The following DOT1L variants were observed in gnomAD, a reference collection of about 807,000 sequenced individuals.
DOT1L encodes DOT1 like histone lysine methyltransferase.
In DOT1L, 33 loss-of-function variants were observed where a neutral mutation model predicts 153.3. That is an observed-to-expected ratio of 0.22 (90% CI 0.16 to 0.29). DOT1L has a LOEUF of 0.29. Ranked by LOEUF, DOT1L falls within the 10% of genes least tolerant of loss-of-function variation. The pLI, the probability that DOT1L is intolerant of heterozygous loss-of-function variation, is 1.00. For missense variants in DOT1L, 1,847 were observed against 2,119.9 expected (o/e 0.87, Z 2.53); for synonymous variants, 1,135 against 965.1 (o/e 1.18, Z -3.26).
At chr19:2,223,555 TGTGTGG>T in intron 25 of DOT1L, 69 bp downstream of exon 25, 35 of 45,474 alleles carry the variant, frequency 7.7e-4, no homozygotes, top group Non-Finnish European at 1.2e-3. Context: ...TCACTGTGTG[TGTGTGG>T]GTGGGTGGGT....
chr19:2,195,704 G>A (rs551912028), intron 7 of DOT1L, among the ~76,000 whole-genome samples: 6 of 152,302 alleles, frequency 3.9e-5, no homozygotes, highest in African/African-American at 1.4e-4. Context: ...CACCCTGGGA[G>A]GACGATGGCA....
intron 9 of DOT1L, among the ~76,000 whole-genome samples, chr19:2,203,932 T>C (rs949571555): frequency 6.6e-6 from 1 of 152,218 alleles, no homozygotes; most frequent in Non-Finnish European, 1.5e-5. Context: ...GTACCCCCTC[T>C]TCCTCCCAAC....
rs1294107899 is a variant in DOT1L at position 2,229,858 on chromosome 19, TGCCCGCCG to T, written c.*70_*77del. The stretch of plus-strand genomic sequence containing the variant: ...GGACCAACTCGCGCCCGCGGCATGG[TGCCCGCCG>T]GCCTGCCGGGCTCCCACCCCTGGAC... On this transcript the variant is annotated 3_prime_UTR_variant, in exon 28 of 28. Transcript: ENST00000398665. 3.7e-6 allele frequency: 6 copies of T among 1,611,288 alleles called. No homozygotes were observed. The highest frequency in any genetic ancestry group is 5.1e-6 in the Non-Finnish European group (6 of 1,179,734).
rs546070805 is a variant in DOT1L at position 2,212,141 on chromosome 19, G to A, written c.1557+299G>A. On this transcript the variant is annotated intron_variant, in intron 16 of 27. Transcript: ENST00000398665. ...CCCCTAGTGCACAGGTCCCTCCCCC[G>A]GTTCCTCAAAGGCTGAGTACTGTGA... The A allele has an allele frequency of 2.2e-5, 7 of 317,314 alleles. No individual in the cohort carries two copies. The East Asian group carries it at 2.2e-4, about 10-fold the overall frequency. 19.7% of individuals were successfully genotyped at this position (317,314 alleles called of 1,614,324 possible).
At chr19:2,229,719 G>A (rs2024516171) in intron 27 of DOT1L, 66 bp from the exon 28 acceptor site, 1 of 1,610,756 alleles carries the variant, frequency 6.2e-7, no homozygotes, top group African/African-American at 1.3e-5. Flanking sequence ...CAGCCTGGGT[G>A]AGTGTTGGGC....
At chr19:2,187,777 C>T (rs1486164530) in intron 3 of DOT1L, among the ~76,000 whole-genome samples, 1 of 152,134 alleles carries the variant, frequency 6.6e-6, no homozygotes, top group Admixed American at 6.6e-5. Flanking sequence ...AAAAAATTAG[C>T]CGGGCGTGGT....
rs1320231903 is a variant in DOT1L, at chr19:2,226,625, G to C, written c.4104G>C (p.Leu1368=). 6.3e-7 allele frequency: 1 copy of C among 1,594,620 alleles called. No individual in the cohort carries two copies. Among genetic ancestry groups the C allele is most frequent in the Non-Finnish European group, 8.5e-7 (1 of 1,174,698 alleles). Reference sequence around the variant, plus strand: ...AGGGCTCGGACGCCAACCCTTTCCTGAGCAAGAGGCAGCTGGACGGCCTGG... The same window carrying C: ...AGGGCTCGGACGCCAACCCTTTCCTCAGCAAGAGGCAGCTGGACGGCCTGG... ...GKEGSDANPF[L]SKRQLDGLAG... Residue 1368 remains leucine (L), a synonymous_variant, in exon 27 of 28, where the codon CTG becomes CTC. Coordinates refer to ENST00000398665, the MANE Select transcript of DOT1L (RefSeq NM_032482.3).
In DOT1L at chr19:2,232,258, A is replaced by C. The variant is rs2024634503; in HGVS notation, c.*2466A>C. 4.6e-6 allele frequency: 1 copy of C among 216,620 alleles called. No homozygotes were observed. The highest frequency in any genetic ancestry group is 2.3e-5 in the African/African-American group (1 of 44,322). The allele number at this position is 216,620 out of a possible 1,614,324, so 13.4% of individuals were successfully genotyped here. On this transcript the variant is annotated 3_prime_UTR_variant, in exon 28 of 28. Coordinates refer to ENST00000398665, the MANE Select transcript of DOT1L (RefSeq NM_032482.3). Reference sequence around the variant, plus strand: ...CCCCTCCTCGGCCCATGAGGCACGCACAGTGACTTATTTAAGACTTCCCCC... The same window carrying C: ...CCCCTCCTCGGCCCATGAGGCACGCCCAGTGACTTATTTAAGACTTCCCCC...
Position 2,207,243 on chromosome 19 carries a change from C to A in DOT1L, c.857-331C>A, listed in dbSNP as rs2023533918. ...TCTGAGGGGCTTCCCTGAGGAGCGC[C>A]CACCCGGGAGGTGCCTGTGTTGCTG... On this transcript the variant is annotated intron_variant, in intron 10 of 27. Coordinates refer to ENST00000398665, the MANE Select transcript of DOT1L (RefSeq NM_032482.3). The surrounding 1 kb of genome is among the most constrained non-coding windows in gnomAD (Gnocchi z 4.5). Among the ~76,000 whole-genome samples, 1 of 152,230 alleles carries A rather than the reference C, an allele frequency of 6.6e-6. No homozygotes were observed.
chr19:2,191,300 GC>G lies in DOT1L; in HGVS notation c.493+64del. The stretch of plus-strand genomic sequence containing the variant: ...CTTCCAGGCCACACGCTCTGTGCCT[GC>G]CCCATGCCTGCTTGGAGAAGAGTTT... On this transcript the variant is annotated intron_variant, in intron 5 of 27. Coordinates refer to ENST00000398665, the MANE Select transcript of DOT1L (RefSeq NM_032482.3). This position sits in a 1 kb window ranked among gnomAD's most constrained non-coding sequence, Gnocchi z 6.8. The G allele has an allele frequency of 6.5e-7, 1 of 1,529,280 alleles. No individual in the cohort carries two copies. Among genetic ancestry groups the G allele is most frequent in the Non-Finnish European group, 9.0e-7 (1 of 1,107,178 alleles). The allele number at this position is 1,529,280 out of a possible 1,614,324, so 94.7% of individuals were successfully genotyped here.
Position 2,210,689 on chromosome 19 carries a change from CAAG to C in DOT1L, c.1192_1194del (p.Lys398del), listed in dbSNP as rs993985886. ...AGAAGCCGTCTCCCTCCAAAGCCCGCAAGAAGAAGCTAAACAAGAAGGGGAGGA... is the reference window on the plus strand; with the variant it reads ...AGAAGCCGTCTCCCTCCAAAGCCCGCAAGAAGCTAAACAAGAAGGGGAGGA... On this transcript the variant is annotated inframe_deletion, in exon 14 of 28. Coordinates refer to ENST00000398665, the MANE Select transcript of DOT1L (RefSeq NM_032482.3). 6.2e-6 allele frequency: 10 copies of C among 1,613,034 alleles called. No homozygotes were observed. The highest frequency in any genetic ancestry group is 4.0e-5 in the African/African-American group (3 of 74,928).
chr19:2,209,117 TC>T (rs2144822594), intron 12 of DOT1L, 141 bp downstream of exon 12: 1 of 850,744 alleles, frequency 1.2e-6, no homozygotes, highest in Non-Finnish European at 1.8e-6. Flanking sequence ...CTGTGCCCTT[TC>T]CCGCCTCCTT....
rs769255846 is a variant in DOT1L, at chr19:2,226,303, T to C, written c.3782T>C (p.Leu1261Pro). The C allele has an allele frequency of 2.5e-6, 4 of 1,598,916 alleles. No homozygotes were observed. Among genetic ancestry groups the C allele is most frequent in the Admixed American group, 1.7e-5 (1 of 58,662 alleles). The change falls in exon 27 of 28, where the codon CTG becomes CCG. Residue 1261 changes from leucine (L) to proline (P), a missense_variant. This residue lies in a region of DOT1L where 934 missense variants were observed against 825.3 expected (regional missense o/e 1.13). Transcript: ENST00000398665. ...IGLAKSADSP[L>P]QASSALSQNS... is the part of the protein sequence containing the mutation. ...CTGGCCAAGTCGGCGGACAGCCCGC[T>C]GCAGGCCAGCTCCGCCCTCAGCCAG...
intron 15 of DOT1L, 98 bp from the exon 16 acceptor site, chr19:2,211,653 C>T (rs1401874391): frequency 2.8e-6 from 3 of 1,065,012 alleles, no homozygotes; most frequent in Non-Finnish European, 4.1e-6. Context: ...TGCCTGACAC[C>T]TGCCGAGGCC....
At position 2,227,131 on chromosome 19, in the gene DOT1L, G is replaced by A; in HGVS notation, c.4606+4G>A. 6.4e-7 allele frequency: 1 copy of A among 1,557,538 alleles called. No individual in the cohort carries two copies. The highest frequency in any genetic ancestry group is 8.6e-7 in the Non-Finnish European group (1 of 1,161,402). ...GTGGCAGGCGGCACAGTTGGAGGTA[G>A]GCAGGGCGGCCGTCCGTCCGCCCCC... is the stretch of plus-strand genomic sequence containing the variant. On this transcript the variant is annotated splice_donor_region_variant and intron_variant, in intron 27 of 27. Coordinates refer to ENST00000398665, the MANE Select transcript of DOT1L (RefSeq NM_032482.3).
At chr19:2,176,472 G>A (rs531805047) in intron 1 of DOT1L, among the ~76,000 whole-genome samples, 12 of 152,286 alleles carry the variant, frequency 7.9e-5, no homozygotes, top group African/African-American at 2.9e-4. Flanking sequence ...GTACACTTAC[G>A]TGGCCCCCAA....
rs993003667 is a variant in DOT1L at position 2,207,050 on chromosome 19, T to C, written c.856+253T>C. On this transcript the variant is annotated intron_variant, in intron 10 of 27. Coordinates refer to ENST00000398665, the MANE Select transcript of DOT1L (RefSeq NM_032482.3). This position sits in a 1 kb window ranked among gnomAD's most constrained non-coding sequence, Gnocchi z 4.5. ...CTGTGTGCCATGGGGGTAGAATCAC[T>C]CCTCGGGGAGACCCCGGCTTCGAGG... Among the ~76,000 whole-genome samples, 1 of 152,138 alleles carries C rather than the reference T, an allele frequency of 6.6e-6. No individual in the cohort carries two copies. The highest frequency in any genetic ancestry group is 2.4e-5 in the African/African-American group (1 of 41,408).
rs1470702100 is a variant in DOT1L at position 2,197,526 on chromosome 19, C to T, written c.652-2358C>T. On this transcript the variant is annotated intron_variant, in intron 7 of 27. Transcript: ENST00000398665. This position sits in a 1 kb window ranked among gnomAD's most constrained non-coding sequence, Gnocchi z 4.1. ...AGCACTGCTCCCCCTTCTGCCTCAT[C>T]TTGTCAGCGTCTGGGTCAGCACCCT... Among the ~76,000 whole-genome samples, 1 of 152,192 alleles carries T rather than the reference C, an allele frequency of 6.6e-6. No individual in the cohort carries two copies. Among genetic ancestry groups the T allele is most frequent in the Non-Finnish European group, 1.5e-5 (1 of 68,036 alleles).
chr19:2,170,864 C>G (rs1469369456), intron 1 of DOT1L, among the ~76,000 whole-genome samples: 2 of 152,140 alleles, frequency 1.3e-5, no homozygotes, highest in African/African-American at 4.8e-5. Context: ...CTCCAGGAGT[C>G]TCCCGGAACG....
Sources: allele counts gnomAD v4.1 joint callset (sites outside exome capture counted in the v4.1 genomes callset), GRCh38; gene constraint gnomAD v4.1.1; regional missense constraint gnomAD v4.1.1; non-coding constraint Gnocchi (gnomAD v3.1); transcripts MANE v1.5; gene names NCBI Gene and HGNC (gene_info 2026-07-23, HGNC 2026-07-21).